Variants in RCOR1 observed in about 807,000 individuals in gnomAD.
The protein encoded by RCOR1 is REST corepressor.
Under a neutral mutation model 64.0 loss-of-function variants are expected in RCOR1, and 12 were observed. That is an observed-to-expected ratio of 0.19 (90% confidence interval 0.12 to 0.30). RCOR1 has a LOEUF of 0.30. RCOR1 is among the 10% of genes least tolerant of loss of function. The probability of loss-of-function intolerance (pLI) is 1.00; values close to 1 mark genes in which losing one functional copy is unlikely to be tolerated. For synonymous variants in RCOR1, 279 were observed against 227.2 expected (o/e 1.23, Z -2.05); for missense variants, 502 against 621.2 (o/e 0.81, Z 2.04).
At chr14:102,620,166 G>A (rs777288878) in intron 2 of RCOR1, among the ~76,000 whole-genome samples, 120 of 152,194 alleles carry the variant, frequency 7.9e-4, no homozygotes, top group Middle Eastern at 3.4e-3. Context: ...AAGGTGGGAG[G>A]ATTGCTTAAG....
chr14:102,682,007 C>T, intron 3 of RCOR1, 29 bp downstream of exon 3: 2 of 1,530,372 alleles, frequency 1.3e-6, no homozygotes, highest in African/African-American at 1.4e-5. Context: ...TATTTTCCAC[C>T]TTTCTTGTTT....
intron 2 of RCOR1, among the ~76,000 whole-genome samples, chr14:102,603,652 G>C (rs1032131922): frequency 2.2e-4 from 33 of 150,208 alleles, no homozygotes; most frequent in African/African-American, 7.6e-4. Context: ...TTAGGGTCTT[G>C]CTCTGTTGCC....
intron 2 of RCOR1, among the ~76,000 whole-genome samples, chr14:102,677,928 C>T (rs1362706584): frequency 4.6e-3 from 647 of 142,006 alleles, no homozygotes; most frequent in African/African-American, 0.019. Flanking sequence ...ACTGAGTGAA[C>T]GAGACTCCGT....
At chr14:102,647,589 G>C (rs1894503013) in intron 2 of RCOR1, among the ~76,000 whole-genome samples, 1 of 152,204 alleles carries the variant, frequency 6.6e-6, no homozygotes, top group African/African-American at 2.4e-5. Context: ...AAAGTGCTGG[G>C]ATTACAGGCG....
chr14:102,622,244 A>T (rs1262425884), intron 2 of RCOR1, among the ~76,000 whole-genome samples: 1 of 152,100 alleles, frequency 6.6e-6, no homozygotes, highest in African/African-American at 2.4e-5. Context: ...TCATAACTAA[A>T]ACCTGTAGCC....
chr14:102,707,280 T>C, intron 4 of RCOR1, 71 bp from the exon 5 acceptor site: 1 of 1,335,432 alleles, frequency 7.5e-7, no homozygotes. Context: ...TTTACTTTTC[T>C]TTTGCTGGTC....
At chr14:102,633,033 T>G (rs1222670323) in intron 2 of RCOR1, among the ~76,000 whole-genome samples, 1 of 151,484 alleles carries the variant, frequency 6.6e-6, no homozygotes, top group African/African-American at 2.4e-5. Context: ...GATCTTAGAC[T>G]CCTGGACACA....
chr14:102,604,660 C>CA (rs1460432052), intron 2 of RCOR1, among the ~76,000 whole-genome samples: 1 of 152,024 alleles, frequency 6.6e-6, no homozygotes, highest in African/African-American at 2.4e-5. Context: ...TTTTATGTTT[C>CA]AGTAAGAAAG....
At chr14:102,687,033 T>A (rs1002800682) in intron 3 of RCOR1, among the ~76,000 whole-genome samples, 1 of 152,254 alleles carries the variant, frequency 6.6e-6, no homozygotes, top group African/African-American at 2.4e-5. Context: ...GAATCTTAGA[T>A]TTGTGGTAAC....
At position 102,636,412 on chromosome 14, in the gene RCOR1, G is replaced by C. The variant is rs1005011769; in HGVS notation, c.361+43087G>C. Among the ~76,000 whole-genome samples the C allele has an allele frequency of 4.0e-5, 6 of 151,718 alleles. No homozygotes were observed. The East Asian group carries it at 7.8e-4, about 20-fold the overall frequency. Reference sequence around the variant, plus strand: ...CCTGCCTCAGCCTCCCAAGTAGCTGGGATTACAGGTGCCTGCCACCACACC... The same window carrying C: ...CCTGCCTCAGCCTCCCAAGTAGCTGCGATTACAGGTGCCTGCCACCACACC... On this transcript the variant is annotated intron_variant, in intron 2 of 11. Coordinates refer to ENST00000262241, the MANE Select transcript of RCOR1 (RefSeq NM_015156.4).
intron 5 of RCOR1, among the ~76,000 whole-genome samples, chr14:102,708,243 G>A (rs909439119): frequency 1.3e-5 from 2 of 152,152 alleles, no homozygotes; most frequent in African/African-American, 2.4e-5. Flanking sequence ...GGGATTACAG[G>A]CGTGAGTCAC....
intron 2 of RCOR1, among the ~76,000 whole-genome samples, chr14:102,620,589 G>A (rs925553605): frequency 2.6e-5 from 4 of 152,080 alleles, no homozygotes; most frequent in Non-Finnish European, 5.9e-5. Flanking sequence ...GGGCACAATG[G>A]TATGCATCTG....
chr14:102,622,912 A>G (rs893558045), intron 2 of RCOR1, among the ~76,000 whole-genome samples: 3 of 152,136 alleles, frequency 2.0e-5, no homozygotes, highest in Admixed American at 1.3e-4. Context: ...TGAACCTCTT[A>G]TGATGGAGTT....
chr14:102,692,762 C>CTT (rs1895563260), intron 3 of RCOR1, among the ~76,000 whole-genome samples: 1 of 85,914 alleles, frequency 1.2e-5, no homozygotes, highest in East Asian at 3.9e-4. Context: ...CCTTCTTTTT[C>CTT]TTTTTCTTTT....
intron 2 of RCOR1, chr14:102,643,319 T>G (rs532387946): frequency 2.1e-5 from 21 of 980,924 alleles, no homozygotes; most frequent in Non-Finnish European, 2.5e-5. Flanking sequence ...AGAAAAGATG[T>G]GAACAAACCT....
chr14:102,678,791 T>C (rs1895243962), intron 2 of RCOR1, among the ~76,000 whole-genome samples: 1 of 152,224 alleles, frequency 6.6e-6, no homozygotes, highest in Non-Finnish European at 1.5e-5. Context: ...GTCAGCACTT[T>C]GTAGTGTTGA....
At chr14:102,719,712 A>G (rs184879372) in intron 8 of RCOR1, among the ~76,000 whole-genome samples, 120 of 152,234 alleles carry the variant, frequency 7.9e-4, no homozygotes, top group South Asian at 6.6e-3. Context: ...AGAATTTTAG[A>G]TGTTTTGCAT....
intron 2 of RCOR1, among the ~76,000 whole-genome samples, chr14:102,595,364 T>C (rs1429805137): frequency 3.3e-5 from 5 of 152,072 alleles, no homozygotes; most frequent in Non-Finnish European, 4.4e-5. Context: ...TAGCTGGGCA[T>C]GGTGGCATGT....
intron 11 of RCOR1, 137 bp from the exon 12 acceptor site, chr14:102,726,331 A>G (rs1186354733): frequency 5.9e-6 from 1 of 168,284 alleles, no homozygotes; most frequent in Non-Finnish European, 1.2e-5. Flanking sequence ...TCTCCCCTCC[A>G]AAAAAAAAAA....
Sources: allele counts gnomAD v4.1 joint callset (sites outside exome capture counted in the v4.1 genomes callset), GRCh38; gene constraint gnomAD v4.1.1; transcripts MANE v1.5; gene names NCBI Gene and HGNC (gene_info 2026-07-23, HGNC 2026-07-21).